The following PHLDB2 variants were observed in gnomAD, a reference collection of about 807,000 sequenced individuals.
PHLDB2 encodes the protein pleckstrin homology like domain family B member 2.
PHLDB2 carries 71 observed loss-of-function variants against 123.6 expected under a neutral mutation model. That is an observed-to-expected ratio of 0.57 (90% CI 0.47 to 0.70). PHLDB2 has a LOEUF of 0.70. Ranked by LOEUF, PHLDB2 falls within the 30% of genes least tolerant of loss-of-function variation. The probability of loss-of-function intolerance (pLI) is 0.00; values close to 1 mark genes in which losing one functional copy is unlikely to be tolerated. For missense variants in PHLDB2, 1,446 were observed against 1,519.5 expected (o/e 0.95, Z 0.80); for synonymous variants, 547 against 541.6 (o/e 1.01, Z -0.14).
chr3:111,892,414 T>C (rs1236820156), intron 2 of PHLDB2, among the ~76,000 whole-genome samples: 2 of 152,304 alleles, frequency 1.3e-5, no homozygotes, highest in African/African-American at 4.8e-5. Context: ...GCCAGATGAC[T>C]AGAGTATAGG....
At chr3:111,955,576 G>A (rs575110308) in intron 12 of PHLDB2, among the ~76,000 whole-genome samples, 1 of 151,976 alleles carries the variant, frequency 6.6e-6, no homozygotes, top group Non-Finnish European at 1.5e-5. Context: ...TCAGCCTCTC[G>A]AGTAAGCTGG....
rs1301347953 is a variant in PHLDB2, at chr3:111,955,159, A to ATATATATC, written c.2872+1131_2872+1132insATATATCT. Among the ~76,000 whole-genome samples, 9 of 138,916 alleles carry ATATATATC rather than the reference A, an allele frequency of 6.5e-5. No homozygotes were observed. In the East Asian group the frequency reaches 9.9e-4, roughly 15 times the overall value. 91.1% of individuals were successfully genotyped at this position (138,916 alleles called of 152,430 possible). A position where few individuals can be genotyped will look rare whatever the true frequency, so the allele number is the denominator to read the frequency against. On this transcript the variant is annotated intron_variant, in intron 12 of 17. Transcript: ENST00000431670. ...ATGTATATATGATATATATATATAT[A>ATATATATC]TCTCTCACTGGAACGAGGTTTTCAA...
At chr3:111,820,333 A>C (rs7627606) in intron 1 of PHLDB2, among the ~76,000 whole-genome samples, 32,041 of 152,138 alleles carry the variant, frequency 0.21, 5,277 homozygotes, top group African/African-American at 0.44. Context: ...TTCTTCCAAA[A>C]TTGATTTTAA....
intron 1 of PHLDB2, among the ~76,000 whole-genome samples, chr3:111,837,182 G>C (rs1254574658): frequency 6.6e-6 from 1 of 152,178 alleles, no homozygotes. Context: ...TCTGCATAGA[G>C]TAAGAAATCA....
chr3:111,873,087 A>G (rs13323152), intron 1 of PHLDB2, among the ~76,000 whole-genome samples: 12,024 of 152,244 alleles, frequency 0.079, 584 homozygotes, highest in East Asian at 0.12. Flanking sequence ...TCCTCTACAG[A>G]TATGCATGGC....
chr3:111,967,094 C>A (rs900185017), intron 14 of PHLDB2, among the ~76,000 whole-genome samples: 1 of 152,084 alleles, frequency 6.6e-6, no homozygotes, highest in Non-Finnish European at 1.5e-5. Flanking sequence ...GCTAACTGCA[C>A]TATTTTAATA....
At chr3:111,751,187 G>T (rs1378904086) in intron 1 of PHLDB2, among the ~76,000 whole-genome samples, 2 of 151,690 alleles carry the variant, frequency 1.3e-5, no homozygotes, top group African/African-American at 4.8e-5. Context: ...GTGTGTGTGT[G>T]TGTGTGTGTG....
chr3:111,738,053 C>A (rs953633900), intron 1 of PHLDB2, among the ~76,000 whole-genome samples: 2 of 152,256 alleles, frequency 1.3e-5, no homozygotes, highest in East Asian at 3.9e-4. Flanking sequence ...AATACCCCTA[C>A]GAATTCCAAG....
At chr3:111,817,105 A>T (rs1398235174) in intron 1 of PHLDB2, among the ~76,000 whole-genome samples, 1 of 152,060 alleles carries the variant, frequency 6.6e-6, no homozygotes, top group Admixed American at 6.6e-5. Context: ...CAATAAACCT[A>T]TTTCTTTTGT....
chr3:111,884,760 A>G lies in PHLDB2; in HGVS notation c.683A>G (p.Glu228Gly), dbSNP rs1199884254. ...CAACCCAAGTTAACTAGACACAAGGAGCTTGCATCTGAAAACATCAATTTG... is the reference window on the plus strand; with the variant it reads ...CAACCCAAGTTAACTAGACACAAGGGGCTTGCATCTGAAAACATCAATTTG... Reference protein sequence around the residue: ...ALQPKLTRHKELASENINLRT... With the variant: ...ALQPKLTRHKGLASENINLRT... The change falls in exon 2 of 18, where the codon GAG (glutamate) becomes GGG (glycine). Residue 228 changes from glutamate to glycine, a missense_variant. Physicochemically the swap from Glu to Gly is moderately conservative, Grantham distance 98. This residue lies in a region of PHLDB2 where 832 missense variants were observed against 831.9 expected (regional missense o/e 1.00). Transcript: ENST00000431670. The G allele has an allele frequency of 1.9e-6, 3 of 1,613,984 alleles. No individual in the cohort carries two copies. In the African/African-American group the frequency reaches 4.0e-5, roughly 22 times the overall value.
chr3:111,874,539 G>T (rs1453032745), intron 1 of PHLDB2, among the ~76,000 whole-genome samples: 2 of 152,182 alleles, frequency 1.3e-5, no homozygotes, highest in Non-Finnish European at 2.9e-5. Flanking sequence ...AGGAGTGGGG[G>T]TTAACAAAGC....
At chr3:111,912,700 AG>A in intron 2 of PHLDB2, among the ~76,000 whole-genome samples, 1 of 152,352 alleles carries the variant, frequency 6.6e-6, no homozygotes, top group Non-Finnish European at 1.5e-5. Flanking sequence ...GATAATATTT[AG>A]GAAGTTAGAG....
rs1313738372 is a variant in PHLDB2, at chr3:111,974,884, T to C, written c.*321T>C. 5.6e-6 allele frequency: 1 copy of C among 179,746 alleles called. No homozygotes were observed. Among genetic ancestry groups the C allele is most frequent in the African/African-American group, 2.3e-5 (1 of 42,654 alleles). The allele number at this position is 179,746 out of a possible 1,614,324, so 11.1% of individuals were successfully genotyped here. ...ATTTGGTGAAATAAACTAAACAGGT[T>C]ACAGAATATCTGTATGTACTTGGAA... On this transcript the variant is annotated 3_prime_UTR_variant, in exon 18 of 18. Transcript: ENST00000431670.
intron 1 of PHLDB2, among the ~76,000 whole-genome samples, chr3:111,744,568 G>C (rs1398377747): frequency 6.6e-6 from 1 of 152,192 alleles, no homozygotes; most frequent in Non-Finnish European, 1.5e-5. Context: ...AGAGGACTTA[G>C]ATATAAACAC....
intron 1 of PHLDB2, among the ~76,000 whole-genome samples, chr3:111,753,110 T>C (rs1440643412): frequency 2.0e-5 from 3 of 151,996 alleles, no homozygotes; most frequent in Non-Finnish European, 2.9e-5. Context: ...AATAAACGTA[T>C]GTGTGCATGT....
Position 111,885,282 on chromosome 3 carries a change from C to T in PHLDB2, c.1205C>T (p.Ser402Leu). The stretch of plus-strand genomic sequence containing the variant: ...GATTTGGAAAGCCTCAGACAGGCCT[C>T]AGGAACCCCCCAGCCTGCCCTTCGG... ...EADLESLRQA[S>L]GTPQPALRER... Residue 402 changes from serine to leucine, a missense_variant, in exon 2 of 18, where the codon TCA becomes TTA. This residue lies in a region of PHLDB2 where 832 missense variants were observed against 831.9 expected (regional missense o/e 1.00). Transcript: ENST00000431670. The T allele has an allele frequency of 1.2e-6, 2 of 1,614,200 alleles. No individual in the cohort carries two copies. The highest frequency in any genetic ancestry group is 1.7e-6 in the Non-Finnish European group (2 of 1,180,036).
At position 111,919,856 on chromosome 3, in the gene PHLDB2, G is replaced by T. The variant is rs867680; in HGVS notation, c.1864-426G>T. On this transcript the variant is annotated intron_variant, in intron 4 of 17. Transcript: ENST00000431670. ...CTCACCTGTTGTCTTGCGTAGAGAC[G>T]CTGGAAGCCCCTCCTGCTAGCATTG... 4.6e-3 allele frequency among the ~76,000 whole-genome samples: 704 copies of T among 152,096 alleles called. 12 individuals are homozygous for T. The highest frequency in any genetic ancestry group is 0.016 in the African/African-American group (654 of 41,508).
intron 1 of PHLDB2, among the ~76,000 whole-genome samples, chr3:111,770,791 G>T (rs4682062): frequency 6.6e-6 from 1 of 152,124 alleles, no homozygotes; most frequent in Admixed American, 6.5e-5. Context: ...AGGATATGCC[G>T]TAAGACTCTT....
At chr3:111,769,597 T>C (rs1167191805) in intron 1 of PHLDB2, among the ~76,000 whole-genome samples, 2 of 152,224 alleles carry the variant, frequency 1.3e-5, no homozygotes, top group African/African-American at 4.8e-5. Context: ...TTTAAGAAGG[T>C]TCAACCTAAG....
Sources: gnomAD v4.1 joint callset for allele counts (sites outside exome capture counted in the v4.1 genomes callset) on GRCh38, gnomAD v4.1.1 for gene constraint, gnomAD v4.1.1 regional missense constraint, MANE v1.5 for transcripts, NCBI Gene and HGNC (gene_info 2026-07-23, HGNC 2026-07-21) for gene names.